Variants in GAB1 observed in about 807,000 individuals in gnomAD.
GAB1 encodes the protein GRB2 associated binding protein 1.
GAB1 carries 19 observed loss-of-function variants against 66.5 expected under a neutral mutation model. The ratio of observed to expected loss-of-function variants is 0.29; its 90% CI spans 0.20 to 0.42. GAB1 has a LOEUF of 0.42. Ranked by LOEUF, GAB1 falls within the 10% of genes least tolerant of loss-of-function variation. GAB1 has a pLI of 1.00. For missense variants in GAB1, 732 were observed against 858.5 expected, an observed-to-expected ratio of 0.85 and a Z score of 1.84; for synonymous variants, 294 against 301.4, an observed-to-expected ratio of 0.98 and a Z score of 0.25.
At chr4:143,414,448 G>A (rs745761757) in intron 1 of GAB1, among the ~76,000 whole-genome samples, 2 of 152,138 alleles carry the variant, frequency 1.3e-5, no homozygotes, top group Non-Finnish European at 2.9e-5. Flanking sequence ...TTGTGGAGGG[G>A]GTATGTGGTG....
rs555958986 is a variant in GAB1, at chr4:143,344,225, T to TG, written c.72+6967dup. ...TGGGCTAGCGTCTTATTTCGGACTTTGGAAGCCATCTTAGCCCAGCTGTGT... is the reference window on the plus strand; with the variant it reads ...TGGGCTAGCGTCTTATTTCGGACTTTGGGAAGCCATCTTAGCCCAGCTGTGT... On this transcript the variant is annotated intron_variant, in intron 1 of 9. Transcript: ENST00000262994. Among the ~76,000 whole-genome samples, 33 of 152,316 alleles carry TG rather than the reference T, an allele frequency of 2.2e-4. No homozygotes were observed. The South Asian group carries it at 6.8e-3, about 32-fold the overall frequency.
At chr4:143,461,047 A>C (rs1161585485) in intron 8 of GAB1, among the ~76,000 whole-genome samples, 1 of 152,242 alleles carries the variant, frequency 6.6e-6, no homozygotes, top group Admixed American at 6.5e-5. Flanking sequence ...GGTTGGCTAT[A>C]CTACCATAAA....
At chr4:143,366,761 T>C (rs1729896393) in intron 1 of GAB1, among the ~76,000 whole-genome samples, 1 of 152,184 alleles carries the variant, frequency 6.6e-6, no homozygotes, top group African/African-American at 2.4e-5. Context: ...TCTGGCTCTA[T>C]CGTCCAGGCT....
chr4:143,435,389 A>G (rs1014373030), intron 3 of GAB1, among the ~76,000 whole-genome samples: 11 of 152,186 alleles, frequency 7.2e-5, no homozygotes, highest in Admixed American at 3.3e-4. Flanking sequence ...TTTGTTACCT[A>G]TGCTACTAAC....
At chr4:143,373,623 G>A (rs1485976681) in intron 1 of GAB1, among the ~76,000 whole-genome samples, 1 of 152,034 alleles carries the variant, frequency 6.6e-6, no homozygotes, top group Non-Finnish European at 1.5e-5. Flanking sequence ...GAGCTCAGGA[G>A]TTTGAGACCA....
intron 8 of GAB1, among the ~76,000 whole-genome samples, chr4:143,464,418 CG>C (rs1449574747): frequency 6.6e-6 from 1 of 151,792 alleles, no homozygotes; most frequent in African/African-American, 2.4e-5. Flanking sequence ...TTAGTAGAGA[CG>C]GGGTTTCACC....
intron 9 of GAB1, among the ~76,000 whole-genome samples, chr4:143,468,474 A>G (rs1394262542): frequency 1.3e-5 from 2 of 151,526 alleles, no homozygotes; most frequent in African/African-American, 2.4e-5. Context: ...TGGCTTCCCA[A>G]AGTGCTGGGA....
chr4:143,440,853 G>C (rs1261112351), intron 6 of GAB1, among the ~76,000 whole-genome samples: 1 of 152,166 alleles, frequency 6.6e-6, no homozygotes, highest in Non-Finnish European at 1.5e-5. Context: ...TAATTATTAA[G>C]AAAACATTGC....
At chr4:143,457,743 T>C (rs748928149) in intron 6 of GAB1, 2 of 1,579,794 alleles carry the variant, frequency 1.3e-6, no homozygotes, top group Non-Finnish European at 1.7e-6. Context: ...TCACAAACCA[T>C]AGGTGACTTT....
chr4:143,424,177 C>A (rs1241070051), intron 2 of GAB1, among the ~76,000 whole-genome samples: 1 of 152,116 alleles, frequency 6.6e-6, no homozygotes, highest in Non-Finnish European at 1.5e-5. Flanking sequence ...AGCTAGAATT[C>A]ATACTGTTTC....
intron 1 of GAB1, among the ~76,000 whole-genome samples, chr4:143,358,505 C>T (rs572577278): frequency 2.6e-5 from 4 of 152,258 alleles, no homozygotes; most frequent in South Asian, 4.1e-4. Context: ...TTACCAGTTT[C>T]GTGATATGCG....
chr4:143,450,109 T>A (rs1183877763), intron 6 of GAB1, among the ~76,000 whole-genome samples: 1 of 152,178 alleles, frequency 6.6e-6, no homozygotes, highest in Non-Finnish European at 1.5e-5. Context: ...GAAATAAGTA[T>A]GGAGTGCATT....
intron 2 of GAB1, among the ~76,000 whole-genome samples, chr4:143,426,396 A>G (rs1017936016): frequency 3.3e-5 from 5 of 152,148 alleles, no homozygotes; most frequent in Admixed American, 3.3e-4. Context: ...CAAAAAGTTT[A>G]AAAAATTAAC....
intron 2 of GAB1, chr4:143,424,965 A>G (rs1029466115): frequency 3.6e-5 from 22 of 617,328 alleles, no homozygotes; most frequent in Non-Finnish European, 5.7e-5. Context: ...AAAAAAAGAA[A>G]AAAAAAGGCC....
intron 1 of GAB1, among the ~76,000 whole-genome samples, chr4:143,353,400 A>G (rs1729307790): frequency 1.3e-5 from 2 of 152,186 alleles, no homozygotes; most frequent in South Asian, 4.1e-4. Flanking sequence ...ATGTTTTCTA[A>G]TCTATCTCTT....
At chr4:143,371,058 A>G (rs1165866856) in intron 1 of GAB1, among the ~76,000 whole-genome samples, 1 of 152,220 alleles carries the variant, frequency 6.6e-6, no homozygotes, top group Non-Finnish European at 1.5e-5. Context: ...CTTTGGGTAT[A>G]TACCCAGTAA....
intron 6 of GAB1, among the ~76,000 whole-genome samples, chr4:143,443,218 G>A (rs951275471): frequency 7.9e-5 from 12 of 151,772 alleles, no homozygotes; most frequent in South Asian, 2.1e-4. Flanking sequence ...GGGTTTCACC[G>A]TGTTAGCCAG....
chr4:143,350,042 G>C lies in GAB1; in HGVS notation c.72+12782G>C, dbSNP rs566610462. Reference sequence around the variant, plus strand: ...CGGATGCCACTGCCGAAACCTCCGCGGAAGCCACCGCGGTTCCCCATCCCA... The same window carrying C: ...CGGATGCCACTGCCGAAACCTCCGCCGAAGCCACCGCGGTTCCCCATCCCA... On this transcript the variant is annotated intron_variant, in intron 1 of 9. Transcript: ENST00000262994. The C allele has an allele frequency of 2.8e-4, 429 of 1,545,456 alleles. No homozygotes were observed. The African/African-American group carries it at 5.1e-3, about 18-fold the overall frequency.
chr4:143,372,516 T>G (rs1021727184), intron 1 of GAB1, among the ~76,000 whole-genome samples: 2 of 147,030 alleles, frequency 1.4e-5, no homozygotes, highest in Admixed American at 1.4e-4. Flanking sequence ...ACTACTGAGA[T>G]TAACAGCAGT....
Sources: gnomAD v4.1 joint callset for allele counts (sites outside exome capture counted in the v4.1 genomes callset) on GRCh38, gnomAD v4.1.1 for gene constraint, MANE v1.5 for transcripts, NCBI Gene and HGNC (gene_info 2026-07-23, HGNC 2026-07-21) for gene names.